SMIM14: variants seen among roughly 807,000 people sequenced by gnomAD.
The protein encoded by SMIM14 is chromosome 4 open reading frame 34.
In SMIM14, 5 loss-of-function variants were observed where a neutral mutation model predicts 12.6. The ratio of observed to expected loss-of-function variants is 0.40; its 90% CI spans 0.21 to 0.83. The LOEUF (loss-of-function observed/expected upper bound fraction) is 0.83, where lower values mean the gene tolerates loss of function less well. Among genes scored for constraint, SMIM14 ranks in the 40% least tolerant of loss-of-function variants. The probability of loss-of-function intolerance (pLI) is 0.37; values close to 1 mark genes in which losing one functional copy is unlikely to be tolerated. For synonymous variants in SMIM14, 30 were observed against 40.1 expected (o/e 0.75, Z 0.95); for missense variants, 86 against 119.1 (o/e 0.72, Z 1.29).
At chr4:39,600,394 T>A (rs1714552017) in intron 2 of SMIM14, among the ~76,000 whole-genome samples, 1 of 151,836 alleles carries the variant, frequency 6.6e-6, no homozygotes, top group South Asian at 2.1e-4. Flanking sequence ...ATAACACTAT[T>A]AAATCAGGAA....
intron 1 of SMIM14, among the ~76,000 whole-genome samples, chr4:39,630,293 C>T (rs1428063012): frequency 1.3e-5 from 2 of 152,146 alleles, no homozygotes; most frequent in Non-Finnish European, 2.9e-5. Flanking sequence ...GTAGTCCCAG[C>T]TACTCAGAAG....
intron 1 of SMIM14, among the ~76,000 whole-genome samples, chr4:39,619,874 A>ATT (rs1253051297): frequency 2.3e-4 from 19 of 82,972 alleles, no homozygotes; most frequent in South Asian, 1.2e-3. Flanking sequence ...ATATATATAT[A>ATT]TATTTTTTTT....
chr4:39,634,211 G>C (rs1427421024), intron 1 of SMIM14, among the ~76,000 whole-genome samples: 1 of 152,182 alleles, frequency 6.6e-6, no homozygotes, highest in East Asian at 1.9e-4. Flanking sequence ...ACAGGCATGA[G>C]CCACCGCGCC....
chr4:39,610,672 G>C (rs1714993066), intron 1 of SMIM14, among the ~76,000 whole-genome samples: 2 of 149,518 alleles, frequency 1.3e-5, no homozygotes, highest in Non-Finnish European at 3.0e-5. Flanking sequence ...TCTAGCCTGA[G>C]TGACAGAACT....
chr4:39,632,473 C>G (rs981583558), intron 1 of SMIM14, among the ~76,000 whole-genome samples: 6 of 118,250 alleles, frequency 5.1e-5, no homozygotes, highest in African/African-American at 1.7e-4. Context: ...AGCGAGACTC[C>G]GTCTCAAAAA....
At chr4:39,596,218 C>G (rs545932370) in intron 2 of SMIM14, among the ~76,000 whole-genome samples, 48 of 152,248 alleles carry the variant, frequency 3.2e-4, no homozygotes, top group Middle Eastern at 6.8e-3. Flanking sequence ...GCCTCAGCCT[C>G]CCAAGTAGCT....
chr4:39,562,904 A>G (rs575404157), intron 3 of SMIM14, among the ~76,000 whole-genome samples: 149 of 151,924 alleles, frequency 9.8e-4, no homozygotes, highest in African/African-American at 3.5e-3. Flanking sequence ...TAAGCCTCGC[A>G]AAGTGCTAGG....
chr4:39,628,612 G>A (rs1381631026), intron 1 of SMIM14, among the ~76,000 whole-genome samples: 2 of 151,634 alleles, frequency 1.3e-5, no homozygotes, highest in South Asian at 2.1e-4. Context: ...AACCTGGTAG[G>A]AGGAGGTTGC....
intron 2 of SMIM14, among the ~76,000 whole-genome samples, chr4:39,601,799 T>C (rs1714622561): frequency 6.6e-6 from 1 of 151,298 alleles, no homozygotes; most frequent in South Asian, 2.1e-4. Flanking sequence ...TGTAAAAAAT[T>C]AGTTGGGCAT....
At chr4:39,609,269 C>T (rs563381531) in intron 1 of SMIM14, among the ~76,000 whole-genome samples, 1 of 152,252 alleles carries the variant, frequency 6.6e-6, no homozygotes, top group Admixed American at 6.5e-5. Flanking sequence ...CATAAGCCAC[C>T]GTGCCCGGCC....
intron 2 of SMIM14, among the ~76,000 whole-genome samples, chr4:39,574,237 C>CTT (rs11338888): frequency 6.0e-4 from 76 of 126,862 alleles, no homozygotes; most frequent in East Asian, 2.1e-3. Flanking sequence ...CTGCAACTTT[C>CTT]TTTTTTTTTT....
intron 1 of SMIM14, among the ~76,000 whole-genome samples, chr4:39,608,650 G>A (rs145520593): frequency 2.0e-5 from 3 of 152,302 alleles, no homozygotes; most frequent in Non-Finnish European, 4.4e-5. Flanking sequence ...AGGGAAGAAA[G>A]GAATGGGAAG....
intron 1 of SMIM14, among the ~76,000 whole-genome samples, chr4:39,619,762 A>ATT (rs1456145975): frequency 1.4e-5 from 2 of 139,802 alleles, no homozygotes; most frequent in Non-Finnish European, 3.0e-5. Flanking sequence ...TATTATATAT[A>ATT]TATCAATAAA....
rs115481774 is a variant in SMIM14, at chr4:39,618,974, T to C, written c.-35-13794A>G. Among the ~76,000 whole-genome samples, 209 of 152,108 alleles carry C rather than the reference T, an allele frequency of 1.4e-3. 1 individual carries two copies. The highest frequency in any genetic ancestry group is 5.0e-3 in the African/African-American group (208 of 41,504). Reference sequence around the variant, plus strand: ...TGCATATACACCACATACTCACCTCTCCTGGCTGATAGATCCTTTATATTC... The same window carrying C: ...TGCATATACACCACATACTCACCTCCCCTGGCTGATAGATCCTTTATATTC... On this transcript the variant is annotated intron_variant, in intron 1 of 4. Transcript: ENST00000295958.
chr4:39,564,672 A>G (rs898896065), intron 3 of SMIM14, among the ~76,000 whole-genome samples: 2 of 152,208 alleles, frequency 1.3e-5, no homozygotes, highest in African/African-American at 4.8e-5. Context: ...TGTTTAAAGG[A>G]TTCTATTAAA....
intron 3 of SMIM14, among the ~76,000 whole-genome samples, chr4:39,571,305 T>C (rs1353188896): frequency 6.6e-6 from 1 of 151,402 alleles, no homozygotes; most frequent in African/African-American, 2.4e-5. Context: ...TGGCTGGGCA[T>C]GGTGACTCAC....
chr4:39,637,636 T>C (rs982648192), intron 1 of SMIM14, among the ~76,000 whole-genome samples: 2 of 151,284 alleles, frequency 1.3e-5, no homozygotes, highest in Non-Finnish European at 2.9e-5. Flanking sequence ...GGTTTGGTTT[T>C]CTGGTCGCAG....
At chr4:39,576,684 ATTTTTTTTTTTTTTTTTTTT>A in intron 2 of SMIM14, among the ~76,000 whole-genome samples, 1 of 25,552 alleles carries the variant, frequency 3.9e-5, no homozygotes, top group African/African-American at 1.5e-4. Context: ...ATATATATAT[ATTTTTTTTTTTTTTTTTTTT>A]TTTTTTTTTT....
chr4:39,619,149 TA>T (rs1021096851), intron 1 of SMIM14, among the ~76,000 whole-genome samples: 68 of 148,920 alleles, frequency 4.6e-4, no homozygotes, highest in African/African-American at 1.6e-3. Flanking sequence ...AAAATTGAGA[TA>T]ATTATAATTT....
Sources: gnomAD v4.1 joint callset for allele counts (sites outside exome capture counted in the v4.1 genomes callset) on GRCh38, gnomAD v4.1.1 for gene constraint, MANE v1.5 for transcripts, NCBI Gene and HGNC (gene_info 2026-07-23, HGNC 2026-07-21) for gene names.